The following ELAVL4 variants were observed in gnomAD, a reference collection of about 807,000 sequenced individuals.
ELAVL4 encodes ELAV like RNA binding protein 4, also known as ELAV-like protein 4.
A neutral mutation model predicts 35.6 loss-of-function variants in ELAVL4; 1 was observed. The observed-to-expected ratio is 0.03, with a 90% CI of 0.01 to 0.13. The LOEUF is 0.13. ELAVL4 is among the 10% of genes least tolerant of loss of function. The pLI is 1.00. For missense variants in ELAVL4, 267 were observed against 464.9 expected (o/e 0.57, Z 3.91); for synonymous variants, 156 against 171.0 (o/e 0.91, Z 0.69).
At chr1:50,113,685 A>G (rs1449948590) in intron 1 of ELAVL4, among the ~76,000 whole-genome samples, 1 of 151,984 alleles carries the variant, frequency 6.6e-6, no homozygotes, top group Admixed American at 6.6e-5. Context: ...TTATCTTACT[A>G]TTGTCCAGTC....
At chr1:50,066,854 CAG>C (rs1664288121) in intron 1 of ELAVL4, among the ~76,000 whole-genome samples, 2 of 152,106 alleles carry the variant, frequency 1.3e-5, no homozygotes, top group Admixed American at 1.3e-4. Context: ...AGGAAATTTT[CAG>C]AGTTTTTATT....
chr1:50,055,382 C>T (rs1020812226), intron 1 of ELAVL4, among the ~76,000 whole-genome samples: 1 of 152,074 alleles, frequency 6.6e-6, no homozygotes, highest in African/African-American at 2.4e-5. Flanking sequence ...TCACTGCGAG[C>T]TCCGCCTCCT....
chr1:50,075,004 G>A (rs1664696890), intron 1 of ELAVL4, among the ~76,000 whole-genome samples: 1 of 152,168 alleles, frequency 6.6e-6, no homozygotes, highest in African/African-American at 2.4e-5. Context: ...GTTCTATGAA[G>A]GAAATGAATT....
At chr1:50,060,950 C>T (rs1383604011) in intron 1 of ELAVL4, among the ~76,000 whole-genome samples, 6 of 152,180 alleles carry the variant, frequency 3.9e-5, no homozygotes, top group Non-Finnish European at 7.4e-5. Flanking sequence ...AAGAAATAGA[C>T]ATGTGTTTAA....
At chr1:50,102,206 A>T (rs1292454394), upstream of ELAVL4, among the ~76,000 whole-genome samples, 1 of 152,070 alleles carries the variant, frequency 6.6e-6, no homozygotes, top group Non-Finnish European at 1.5e-5. Context: ...AGAATGGCTG[A>T]ACCTGGGAGG....
At chr1:50,136,878 C>T (rs896614888) in intron 1 of ELAVL4, among the ~76,000 whole-genome samples, 4 of 152,258 alleles carry the variant, frequency 2.6e-5, no homozygotes, top group Middle Eastern at 3.4e-3. Flanking sequence ...TGTACAAGAA[C>T]CCTGCACTGG....
In ELAVL4 at chr1:50,128,896, C is replaced by T. The variant is rs145010569; in HGVS notation, c.10-16061C>T. Among the ~76,000 whole-genome samples, 77 of 152,130 alleles carry T rather than the reference C, an allele frequency of 5.1e-4. No individual in the cohort carries two copies. The East Asian group carries it at 0.014, about 27-fold the overall frequency. On this transcript the variant is annotated intron_variant, in intron 1 of 6. Coordinates refer to ENST00000371824, the MANE Select transcript of ELAVL4 (RefSeq NM_001144774.3). ...TGTCAGTTCAGATCCAGGCTCTGCA[C>T]CATGTGAATATTGGCTAGTTAGCTT...
chr1:50,169,257 G>T lies in ELAVL4; in HGVS notation c.251-7832G>T, dbSNP rs376751963. Among the ~76,000 whole-genome samples the T allele has an allele frequency of 2.6e-5, 4 of 152,048 alleles. No homozygotes were observed. In the East Asian group the frequency reaches 7.7e-4, roughly 29 times the overall value. The stretch of plus-strand genomic sequence containing the variant: ...TTAGATGGTGCCCACCAGATTAAGG[G>T]TGGATCTGCCTTCCCCAGCCCACTG... On this transcript the variant is annotated intron_variant, in intron 2 of 6. Transcript: ENST00000371824.
chr1:50,107,533 T>C (rs887084890), upstream of ELAVL4, among the ~76,000 whole-genome samples: 2 of 152,204 alleles, frequency 1.3e-5, no homozygotes, highest in African/African-American at 4.8e-5. Flanking sequence ...TTTTCTTTCC[T>C]AATAATTTTT....
intron 1 of ELAVL4, among the ~76,000 whole-genome samples, chr1:50,090,410 G>A (rs1356537378): frequency 6.6e-6 from 1 of 152,092 alleles, no homozygotes; most frequent in Non-Finnish European, 1.5e-5. Flanking sequence ...GGCTTCTAAG[G>A]GAGATGGTGA....
chr1:50,062,901 C>T (rs1371437001), intron 1 of ELAVL4, among the ~76,000 whole-genome samples: 2 of 152,136 alleles, frequency 1.3e-5, no homozygotes, highest in Non-Finnish European at 2.9e-5. Flanking sequence ...CCCATCCATA[C>T]TTGTTTGTTA....
intron 2 of ELAVL4, chr1:50,174,615 T>C (rs1679659546): frequency 6.6e-6 from 1 of 152,034 alleles, no homozygotes; most frequent in Non-Finnish European, 1.5e-5. Flanking sequence ...TGATGGTGGA[T>C]TTGGGACTGA....
At chr1:50,107,928 C>T (rs1666482023), upstream of ELAVL4, among the ~76,000 whole-genome samples, 1 of 152,124 alleles carries the variant, frequency 6.6e-6, no homozygotes, top group South Asian at 2.1e-4. Flanking sequence ...CTTTGCAAAT[C>T]TCTTAAGAGG....
chr1:50,173,760 T>C (rs1356334143), intron 2 of ELAVL4, among the ~76,000 whole-genome samples: 1 of 152,238 alleles, frequency 6.6e-6, no homozygotes, highest in Admixed American at 6.5e-5. Flanking sequence ...TTTAATTTTC[T>C]GTTCTGAAAA....
At chr1:50,162,733 G>GCCA (rs1677025325) in intron 2 of ELAVL4, among the ~76,000 whole-genome samples, 1 of 152,056 alleles carries the variant, frequency 6.6e-6, no homozygotes, top group Non-Finnish European at 1.5e-5. Context: ...ACAGGCACAT[G>GCCA]CCACCACACC....
At chr1:50,121,379 T>G (rs1019362606) in intron 1 of ELAVL4, among the ~76,000 whole-genome samples, 1 of 152,036 alleles carries the variant, frequency 6.6e-6, no homozygotes, top group Non-Finnish European at 1.5e-5. Context: ...ATGGATAGTT[T>G]ATTGGGTCTC....
At chr1:50,103,979 CG>C (rs764362714), upstream of ELAVL4, 3 of 1,613,906 alleles carry the variant, frequency 1.9e-6, no homozygotes, top group Non-Finnish European at 1.7e-6. Context: ...GAAAATGAGC[CG>C]GCTACAGTCA....
chr1:50,051,492 T>G (rs1663381912), intron 1 of ELAVL4, among the ~76,000 whole-genome samples: 1 of 152,188 alleles, frequency 6.6e-6, no homozygotes, highest in African/African-American at 2.4e-5. Context: ...CATTTTAATT[T>G]TTATTCTTTA....
intron 1 of ELAVL4, among the ~76,000 whole-genome samples, chr1:50,124,748 G>C (rs537790071): frequency 2.0e-5 from 3 of 152,112 alleles, no homozygotes; most frequent in African/African-American, 7.2e-5. Context: ...AAGACTACCT[G>C]GATTCAAATC....
Sources: allele counts gnomAD v4.1 joint callset (sites outside exome capture counted in the v4.1 genomes callset), GRCh38; gene constraint gnomAD v4.1.1; transcripts MANE v1.5; gene names NCBI Gene and HGNC (gene_info 2026-07-23, HGNC 2026-07-21).